Variants in TTLL4 observed in about 807,000 individuals in gnomAD.
TTLL4 encodes tubulin monoglutamylase TTLL4.
A neutral mutation model predicts 122.7 loss-of-function variants in TTLL4; 85 were observed. The ratio of observed to expected loss-of-function variants is 0.69; its 90% CI spans 0.58 to 0.83. TTLL4 has a LOEUF of 0.83. Among genes scored for constraint, TTLL4 ranks in the 40% least tolerant of loss-of-function variants. The probability of loss-of-function intolerance (pLI) is 0.00; values close to 1 mark genes in which losing one functional copy is unlikely to be tolerated. For synonymous variants in TTLL4, 553 were observed against 563.0 expected, an observed-to-expected ratio of 0.98 and a Z score of 0.25; for missense variants, 1,363 against 1,488.6, an observed-to-expected ratio of 0.92 and a Z score of 1.39.
chr2:218,746,076 C>T (rs1330725827), intron 7 of TTLL4, 79 bp from the exon 8 acceptor site: 35 of 1,547,816 alleles, frequency 2.3e-5, no homozygotes, highest in Non-Finnish European at 2.9e-5. Flanking sequence ...GAGCTCTGCC[C>T]AGTTCTGGGG....
chr2:218,727,507 G>C lies in TTLL4; in HGVS notation c.-99+160G>C, dbSNP rs868229350. ...CTGCTATTTTGTTTGGGAGGCCAAGGGGGGTGGATCACAAGGTCAGGAGAT... is the reference window on the plus strand; with the variant it reads ...CTGCTATTTTGTTTGGGAGGCCAAGCGGGGTGGATCACAAGGTCAGGAGAT... On this transcript the variant is annotated intron_variant, in intron 2 of 19. Coordinates refer to ENST00000392102, the MANE Select transcript of TTLL4 (RefSeq NM_014640.5). Among the ~76,000 whole-genome samples the C allele has an allele frequency of 4.6e-5, 7 of 152,228 alleles. No individual in the cohort carries two copies. In the South Asian group the frequency reaches 1.0e-3, roughly 23 times the overall value.
rs1276172609 is a variant in TTLL4 at position 218,747,736 on chromosome 2, G to A, written c.2378+11G>A. 6.2e-7 allele frequency: 1 copy of A among 1,614,198 alleles called. No homozygotes were observed. Among genetic ancestry groups the A allele is most frequent in the Non-Finnish European group, 8.5e-7 (1 of 1,180,030 alleles). Reference sequence around the variant, plus strand: ...CTTTGCCAGTTGCAAGTATGTGACAGTGGTGAGGTATCCTCTGACAATATT... The same window carrying A: ...CTTTGCCAGTTGCAAGTATGTGACAATGGTGAGGTATCCTCTGACAATATT... On this transcript the variant is annotated intron_variant, in intron 11 of 19. Coordinates refer to ENST00000392102, the MANE Select transcript of TTLL4 (RefSeq NM_014640.5). This position sits in a 1 kb window ranked among gnomAD's most constrained non-coding sequence, Gnocchi z 4.7.
intron 5 of TTLL4, among the ~76,000 whole-genome samples, chr2:218,743,842 G>T (rs1177045646): frequency 1.3e-5 from 2 of 152,140 alleles, no homozygotes; most frequent in Non-Finnish European, 2.9e-5. Flanking sequence ...ACCATGCCTG[G>T]CTAATTTTGT....
At chr2:218,753,399 C>G in intron 18 of TTLL4, 185 bp from the exon 19 acceptor site, 1 of 818,202 alleles carries the variant, frequency 1.2e-6, no homozygotes, top group South Asian at 1.7e-5. Context: ...CTTTGTAGGC[C>G]TCAACTTCTT....
At position 218,749,703 on chromosome 2, in the gene TTLL4, G is replaced by A. The variant is rs184935642; in HGVS notation, c.2736-306G>A. 2.7e-4 allele frequency among the ~76,000 whole-genome samples: 41 copies of A among 152,234 alleles called. No homozygotes were observed. The East Asian group carries it at 7.1e-3, about 27-fold the overall frequency. ...AGGACGGTCTCGATCTCCTGACCTCGTGATCTGCCCACCTCGGCCTCCCAA... is the reference window on the plus strand; with the variant it reads ...AGGACGGTCTCGATCTCCTGACCTCATGATCTGCCCACCTCGGCCTCCCAA... On this transcript the variant is annotated intron_variant, in intron 14 of 19. Coordinates refer to ENST00000392102, the MANE Select transcript of TTLL4 (RefSeq NM_014640.5).
At chr2:218,734,784 G>C (rs1352904042) in intron 2 of TTLL4, among the ~76,000 whole-genome samples, 1 of 152,180 alleles carries the variant, frequency 6.6e-6, no homozygotes, top group Non-Finnish European at 1.5e-5. Flanking sequence ...ACGGGATTAT[G>C]AATTATTTTG....
chr2:218,716,863 T>C (rs760516669), intron 1 of TTLL4, among the ~76,000 whole-genome samples: 8 of 152,232 alleles, frequency 5.3e-5, no homozygotes, highest in Non-Finnish European at 1.0e-4. Context: ...TGGAAAAGTA[T>C]AGTGGGTAAG....
At position 218,738,895 on chromosome 2, in the gene TTLL4, T is replaced by C. The variant is rs2106435224; in HGVS notation, c.1219T>C (p.Leu407=). Reference sequence around the variant, plus strand: ...GGTCCTCCCTGGTGCCTCAGATACCTTGGGGTTGGACAATACAGTCTTCTG... The same window carrying C: ...GGTCCTCCCTGGTGCCTCAGATACCCTGGGGTTGGACAATACAGTCTTCTG... ...RRVLPGASDT[L]GLDNTVFCTK... Residue 407 remains leucine (L), a synonymous_variant, in exon 3 of 20, where the codon TTG becomes CTG. Transcript: ENST00000392102. 6.2e-7 allele frequency: 1 copy of C among 1,614,184 alleles called. No individual in the cohort carries two copies. The highest frequency in any genetic ancestry group is 1.7e-5 in the Admixed American group (1 of 60,018).
In TTLL4 at chr2:218,738,523, G is replaced by A. The variant is rs1400669051; in HGVS notation, c.847G>A (p.Ala283Thr). The A allele has an allele frequency of 1.9e-6, 3 of 1,614,144 alleles. No individual in the cohort carries two copies. The African/African-American group carries it at 4.0e-5, about 22-fold the overall frequency. ...TGGCACTGTCCCAGCTGATGCCAGTGCCCATATCGCCTTGTCTACCGCTAG... is the reference window on the plus strand; with the variant it reads ...TGGCACTGTCCCAGCTGATGCCAGTACCCATATCGCCTTGTCTACCGCTAG... ...SIGTVPADAS[A>T]HIALSTASSH... Residue 283 changes from alanine (A) to threonine (T), a missense_variant, in exon 3 of 20, where the codon GCC becomes ACC. Ala to Thr is a moderately conservative substitution (Grantham distance 58, BLOSUM62 0). Coordinates refer to ENST00000392102, the MANE Select transcript of TTLL4 (RefSeq NM_014640.5).
In TTLL4 at chr2:218,738,215, A is replaced by G; in HGVS notation, c.539A>G (p.Glu180Gly). 1 of 1,613,940 alleles carries G rather than the reference A, an allele frequency of 6.2e-7. No individual in the cohort carries two copies. Among genetic ancestry groups the G allele is most frequent in the Non-Finnish European group, 8.5e-7 (1 of 1,179,982 alleles). ...CAGCCCATGGCCTCCTCATCCACAG[A>G]ACCATACCTCTGCTTGGCAGCGGCT... ...MAQPMASSST[E>G]PYLCLAAAGE... Residue 180 changes from glutamate (E) to glycine (G), a missense_variant, in exon 3 of 20, where the codon GAA becomes GGA. By Grantham distance (98) the Glu-to-Gly change is moderately conservative. Around this residue, in one of 3 missense-constraint regions of TTLL4, gnomAD observed 760 missense variants for 808.4 expected, o/e 0.94. Coordinates refer to ENST00000392102, the MANE Select transcript of TTLL4 (RefSeq NM_014640.5).
chr2:218,756,672 A>G (rs1943157303), downstream of TTLL4, among the ~76,000 whole-genome samples: 1 of 152,174 alleles, frequency 6.6e-6, no homozygotes, highest in African/African-American at 2.4e-5. Flanking sequence ...TTTTTTGGGA[A>G]GGTTAAATTG....
At chr2:218,714,042 C>A (rs1370449354) in intron 1 of TTLL4, among the ~76,000 whole-genome samples, 1 of 152,108 alleles carries the variant, frequency 6.6e-6, no homozygotes, top group African/African-American at 2.4e-5. Context: ...CTGGAGCTCA[C>A]AAGAGAGGCC....
At chr2:218,748,787 A>T in intron 12 of TTLL4, 49 bp from the exon 13 acceptor site, 1 of 1,543,260 alleles carries the variant, frequency 6.5e-7, no homozygotes, top group Non-Finnish European at 8.9e-7. Context: ...TGTCTTTGTC[A>T]CTCATTCCTA....
rs1387524308 is a variant in TTLL4 at position 218,738,581 on chromosome 2, C to T, written c.905C>T (p.Ser302Phe). ...SHDTSTTSVASSWYNRNNLAM... is the reference protein window; with the variant it reads ...SHDTSTTSVAFSWYNRNNLAM... ...GACACATCCACCACCAGTGTTGCCTCTTCCTGGTATAACCGGAATAACTTA... is the reference window on the plus strand; with the variant it reads ...GACACATCCACCACCAGTGTTGCCTTTTCCTGGTATAACCGGAATAACTTA... The change falls in exon 3 of 20, where the codon TCT becomes TTT. Residue 302 changes from serine (S) to phenylalanine (F), a missense_variant. Physicochemically the swap from Ser to Phe is radical, Grantham distance 155 (BLOSUM62 -2). This residue lies in a region of TTLL4 where 760 missense variants were observed against 808.4 expected (regional missense o/e 0.94). Coordinates refer to ENST00000392102, the MANE Select transcript of TTLL4 (RefSeq NM_014640.5). 6.2e-7 allele frequency: 1 copy of T among 1,614,238 alleles called. No individual in the cohort carries two copies. Among genetic ancestry groups the T allele is most frequent in the Non-Finnish European group, 8.5e-7 (1 of 1,180,044 alleles).
chr2:218,746,307 G>T, intron 8 of TTLL4, 76 bp downstream of exon 8: 2 of 1,502,284 alleles, frequency 1.3e-6, no homozygotes, highest in Admixed American at 1.7e-5. Flanking sequence ...GTGAGTAGGG[G>T]GTAGGGGGCG....
chr2:218,756,083 G>A (rs1943146192), downstream of TTLL4, among the ~76,000 whole-genome samples: 1 of 152,192 alleles, frequency 6.6e-6, no homozygotes, highest in Admixed American at 6.6e-5. Flanking sequence ...GCTGGCTGCA[G>A]TATTCTAGTG....
intron 2 of TTLL4, 104 bp from the exon 3 acceptor site, chr2:218,737,475 C>G (rs1157406771): frequency 7.2e-6 from 4 of 555,968 alleles, no homozygotes; most frequent in Admixed American, 3.7e-5. Context: ...ACTGGTTGCC[C>G]AAAAATGCTG....
intron 1 of TTLL4, among the ~76,000 whole-genome samples, chr2:218,711,334 C>T (rs563336439): frequency 1.3e-5 from 2 of 152,228 alleles, no homozygotes; most frequent in South Asian, 2.1e-4. Context: ...GTTATGGCCT[C>T]CGAGCTTCCT....
At position 218,749,380 on chromosome 2, in the gene TTLL4, T is replaced by G; in HGVS notation, c.2728T>G (p.Ser910Ala). 1 of 1,613,970 alleles carries G rather than the reference T, an allele frequency of 6.2e-7. No homozygotes were observed. Among genetic ancestry groups the G allele is most frequent in the Non-Finnish European group, 8.5e-7 (1 of 1,180,000 alleles). The change falls in exon 14 of 20, where the codon TCC (serine) becomes GCC (alanine). Residue 910 changes from serine to alanine, a missense_variant. This residue lies in a region of TTLL4 where 596 missense variants were observed against 655.8 expected (regional missense o/e 0.91). Coordinates refer to ENST00000392102, the MANE Select transcript of TTLL4 (RefSeq NM_014640.5). ...GCCCTGGGTCCTGGAAGTCAACATT[T>G]CCCCAAGGTAGGTGGTATTCTCAGG... ...LKPWVLEVNI[S>A]PSLHSSSPLD... is the part of the protein sequence containing the mutation.
Sources: gnomAD v4.1 joint callset for allele counts (sites outside exome capture counted in the v4.1 genomes callset) on GRCh38, gnomAD v4.1.1 for gene constraint, gnomAD v4.1.1 regional missense constraint, Gnocchi (gnomAD v3.1) non-coding constraint, MANE v1.5 for transcripts, NCBI Gene and HGNC (gene_info 2026-07-23, HGNC 2026-07-21) for gene names.